Variants in USP12 observed in about 807,000 individuals in gnomAD.
The protein encoded by USP12 is ubiquitin specific peptidase 12.
A neutral mutation model predicts 45.5 loss-of-function variants in USP12; 19 were observed. That is an observed-to-expected ratio of 0.42 (90% CI 0.29 to 0.61). The LOEUF (loss-of-function observed/expected upper bound fraction) is 0.61. USP12 is among the 20% of genes least tolerant of loss of function. USP12 has a pLI of 0.22. For synonymous variants in USP12, 149 were observed against 148.8 expected (o/e 1.00, Z -0.01); for missense variants, 242 against 447.7 (o/e 0.54, Z 4.15).
chr13:27,135,182 G>A (rs1348000526), intron 1 of USP12, among the ~76,000 whole-genome samples: 2 of 152,082 alleles, frequency 1.3e-5, no homozygotes, highest in African/African-American at 4.8e-5. Flanking sequence ...AGCTACTCAG[G>A]AAGCTGAGGT....
chr13:27,168,721 AACTT>A (rs1329485791), intron 1 of USP12, among the ~76,000 whole-genome samples: 4 of 152,244 alleles, frequency 2.6e-5, no homozygotes, highest in African/African-American at 9.6e-5. Flanking sequence ...CTATAATACT[AACTT>A]ATGAAAAACA....
At chr13:27,125,831 G>A (rs1033669506) in intron 1 of USP12, among the ~76,000 whole-genome samples, 1 of 152,236 alleles carries the variant, frequency 6.6e-6, no homozygotes, top group Non-Finnish European at 1.5e-5. Context: ...TGGGTCCCAC[G>A]CCCAGGGAGC....
intron 4 of USP12, among the ~76,000 whole-genome samples, chr13:27,090,415 T>C (rs1425815114): frequency 6.6e-6 from 1 of 152,224 alleles, no homozygotes; most frequent in Admixed American, 6.5e-5. Context: ...TGAGAGTTCA[T>C]GACTTTCCAA....
chr13:27,150,333 A>G (rs568009658), intron 1 of USP12, among the ~76,000 whole-genome samples: 230 of 152,272 alleles, frequency 1.5e-3, no homozygotes, highest in African/African-American at 5.2e-3. Context: ...AATGATTTAA[A>G]TAAGTAGGAA....
intron 1 of USP12, among the ~76,000 whole-genome samples, chr13:27,160,309 T>C (rs772334695): frequency 2.6e-5 from 4 of 152,190 alleles, no homozygotes; most frequent in Non-Finnish European, 4.4e-5. Flanking sequence ...TAAAAGTTGC[T>C]TCCTTTTAGT....
At chr13:27,121,205 G>A (rs1261588110) in intron 1 of USP12, among the ~76,000 whole-genome samples, 2 of 151,722 alleles carry the variant, frequency 1.3e-5, no homozygotes, top group Non-Finnish European at 2.9e-5. Flanking sequence ...GCACTTAGGA[G>A]TAGAGACAGG....
Position 27,068,681 on chromosome 13 carries a change from T to A in USP12, c.*602A>T, listed in dbSNP as rs1461724990. On this transcript the variant is annotated 3_prime_UTR_variant, in exon 9 of 9. Transcript: ENST00000282344. ...AAACAAAAAGCCACTTTTGACCAAT[T>A]GCTCCCTACATATACATATACTGTA... 2 of 152,210 alleles carry A rather than the reference T, an allele frequency of 1.3e-5. No homozygotes were observed. Among genetic ancestry groups the A allele is most frequent in the Non-Finnish European group, 1.5e-5 (1 of 68,028 alleles). 9.4% of individuals were successfully genotyped at this position (152,210 alleles called of 1,614,324 possible).
chr13:27,111,378 T>A (rs1263620255), intron 2 of USP12, among the ~76,000 whole-genome samples: 1 of 152,216 alleles, frequency 6.6e-6, no homozygotes, highest in African/African-American at 2.4e-5. Context: ...TGTTTGTGAA[T>A]GCTCAATTTC....
chr13:27,075,078 G>C (rs1243973949), intron 7 of USP12, 113 bp downstream of exon 7: 2 of 930,242 alleles, frequency 2.1e-6, no homozygotes, highest in Admixed American at 3.3e-5. Context: ...ATTATCTTGA[G>C]AGAATACAGA....
rs769554767 is a variant in USP12, at chr13:27,075,222, C to T, written c.901G>A (p.Asp301Asn). The T allele has an allele frequency of 1.9e-5, 30 of 1,613,754 alleles. No individual in the cohort carries two copies. Among genetic ancestry groups the T allele is most frequent in the African/African-American group, 4.0e-5 (3 of 74,902 alleles). The stretch of plus-strand genomic sequence containing the variant: ...CAGTGAACCACAACAGCAACAAGGT[C>T]GTACATTCTGTCTGGATTGGTGGCA... The part of the protein sequence containing the change: ...GDATNPDRMY[D>N]LVAVVVHCGS... The change falls in exon 7 of 9, where the codon GAC becomes AAC. Residue 301 changes from aspartate (D) to asparagine (N), a missense_variant. Around this residue, in one of 5 missense-constraint regions of USP12, gnomAD observed 94 missense variants for 168.3 expected, o/e 0.56. Transcript: ENST00000282344.
In USP12 at chr13:27,129,460, A is replaced by G. The variant is rs188018117; in HGVS notation, c.49-12864T>C. On this transcript the variant is annotated intron_variant, in intron 1 of 8. Transcript: ENST00000282344. This position sits in a 1 kb window ranked among gnomAD's most constrained non-coding sequence, Gnocchi z 4.0. ...ATGCGTAGGCCAGGTGCAGTGGTTC[A>G]TGCCCATAATACCAGCACTTTGGGA... Among the ~76,000 whole-genome samples the G allele has an allele frequency of 6.6e-6, 1 of 152,244 alleles. No individual in the cohort carries two copies. Among genetic ancestry groups the G allele is most frequent in the Non-Finnish European group, 1.5e-5 (1 of 68,038 alleles).
At chr13:27,096,511 C>T (rs1182253899) in intron 3 of USP12, among the ~76,000 whole-genome samples, 1 of 152,170 alleles carries the variant, frequency 6.6e-6, no homozygotes, top group Non-Finnish European at 1.5e-5. Flanking sequence ...GCGTGCTTTA[C>T]CCTGTGCTTG....
chr13:27,093,066 C>T (rs1004026454), intron 4 of USP12, among the ~76,000 whole-genome samples: 2 of 151,724 alleles, frequency 1.3e-5, no homozygotes, highest in African/African-American at 2.4e-5. Flanking sequence ...CGTGGTGGCG[C>T]GTGCCTGTAA....
At chr13:27,143,249 A>G (rs1877153740) in intron 1 of USP12, among the ~76,000 whole-genome samples, 1 of 152,222 alleles carries the variant, frequency 6.6e-6, no homozygotes, top group South Asian at 2.1e-4. Flanking sequence ...ATAAAAATCT[A>G]TCATGACACA....
intron 1 of USP12, among the ~76,000 whole-genome samples, chr13:27,141,292 G>A (rs1158073834): frequency 6.6e-6 from 1 of 152,106 alleles, no homozygotes; most frequent in Non-Finnish European, 1.5e-5. Flanking sequence ...TGGGATTACA[G>A]GCGTGAGCCA....
At chr13:27,103,659 T>A (rs1304454275) in intron 3 of USP12, among the ~76,000 whole-genome samples, 33 of 142,220 alleles carry the variant, frequency 2.3e-4, no homozygotes, top group African/African-American at 7.9e-4. Flanking sequence ...ATGCCTGTAA[T>A]CCAACACTTT....
chr13:27,085,744 G>A (rs1267666517), intron 6 of USP12, among the ~76,000 whole-genome samples: 3 of 151,880 alleles, frequency 2.0e-5, no homozygotes, highest in South Asian at 2.1e-4. Flanking sequence ...CCAAAAATAT[G>A]TGGGGAATAT....
At chr13:27,162,965 CA>C (rs1276874904) in intron 1 of USP12, 1 of 152,012 alleles carries the variant, frequency 6.6e-6, no homozygotes, top group Non-Finnish European at 1.5e-5. Context: ...ATATACAATC[CA>C]AAATTTTCCA....
At chr13:27,101,365 T>C (rs893022901) in intron 3 of USP12, among the ~76,000 whole-genome samples, 2 of 152,258 alleles carry the variant, frequency 1.3e-5, no homozygotes, top group Non-Finnish European at 2.9e-5. Context: ...GGTTTTCTTA[T>C]GGTTTGCTTT....
Sources: allele counts gnomAD v4.1 joint callset (sites outside exome capture counted in the v4.1 genomes callset), GRCh38; gene constraint gnomAD v4.1.1; regional missense constraint gnomAD v4.1.1; non-coding constraint Gnocchi (gnomAD v3.1); transcripts MANE v1.5; gene names NCBI Gene and HGNC (gene_info 2026-07-23, HGNC 2026-07-21).